Variants in PLEKHA6 observed in about 807,000 individuals in gnomAD.
PLEKHA6 encodes the protein pleckstrin homology domain containing A6.
PLEKHA6 carries 60 observed loss-of-function variants against 116.7 expected under a neutral mutation model. The observed-to-expected ratio is 0.51, with a 90% CI of 0.42 to 0.64. The LOEUF is 0.64. PLEKHA6 is among the 30% of genes least tolerant of loss of function. The probability of loss-of-function intolerance (pLI) is 0.00; values close to 1 mark genes in which losing one functional copy is unlikely to be tolerated. For synonymous variants in PLEKHA6, 489 were observed against 556.1 expected (o/e 0.88, Z 1.70); for missense variants, 1,338 against 1,422.7 (o/e 0.94, Z 0.96).
At chr1:204,301,521 C>T (rs879925676) in intron 1 of PLEKHA6, 1 of 962,560 alleles carries the variant, frequency 1.0e-6, no homozygotes, top group Non-Finnish European at 1.2e-6. Context: ...ATTGGGCTTC[C>T]AGCCCTCTCT....
At chr1:204,357,803 C>T (rs1416614268) in intron 1 of PLEKHA6, among the ~76,000 whole-genome samples, 1 of 152,248 alleles carries the variant, frequency 6.6e-6, no homozygotes, top group Admixed American at 6.5e-5. Flanking sequence ...CTAGGCCAGT[C>T]CCCTGGGCCA....
At chr1:204,351,102 G>A (rs771894392) in intron 1 of PLEKHA6, among the ~76,000 whole-genome samples, 4 of 152,186 alleles carry the variant, frequency 2.6e-5, no homozygotes, top group Non-Finnish European at 5.9e-5. Flanking sequence ...CAGCATGGCC[G>A]CCAGGCTGCC....
intron 1 of PLEKHA6, among the ~76,000 whole-genome samples, chr1:204,312,250 A>T: frequency 6.6e-6 from 1 of 152,328 alleles, no homozygotes; most frequent in East Asian, 1.9e-4. Context: ...TGTCCCTGAA[A>T]TGTGCAGAAA....
At chr1:204,330,058 A>G (rs1672392943) in intron 1 of PLEKHA6, among the ~76,000 whole-genome samples, 1 of 152,236 alleles carries the variant, frequency 6.6e-6, no homozygotes, top group Non-Finnish European at 1.5e-5. Flanking sequence ...ATAATCAGGG[A>G]AATATAAACA....
At chr1:204,268,063 C>A in intron 4 of PLEKHA6, 145 bp downstream of exon 4, 1 of 544,782 alleles carries the variant, frequency 1.8e-6, no homozygotes, top group Non-Finnish European at 3.2e-6. Flanking sequence ...TTTCTCTGAG[C>A]CTTTATAAAA....
intron 1 of PLEKHA6, among the ~76,000 whole-genome samples, chr1:204,324,927 T>A (rs1339712131): frequency 6.6e-6 from 1 of 151,854 alleles, no homozygotes; most frequent in Non-Finnish European, 1.5e-5. Flanking sequence ...TATTTATTTA[T>A]TTATTTTTGA....
chr1:204,248,214 A>G (rs1664043783), intron 12 of PLEKHA6, among the ~76,000 whole-genome samples: 1 of 128,984 alleles, frequency 7.8e-6, no homozygotes, highest in African/African-American at 3.0e-5. Context: ...GCTGGAGTGC[A>G]ATGGTGCGAT....
chr1:204,223,496 C>T lies in PLEKHA6; in HGVS notation c.3121G>A (p.Asp1041Asn), dbSNP rs112569239. ...CAGACCCGCATGGTATAGCTGCTGTCGGCGCCCCGTGGGGATTCAGACGAC... is the reference window on the plus strand; with the variant it reads ...CAGACCCGCATGGTATAGCTGCTGTTGGCGCCCCGTGGGGATTCAGACGAC... Reference protein sequence around the residue: ...PLSSESPRGADSSYTMRV With the variant: ...PLSSESPRGANSSYTMRV The change falls in exon 22 of 23, where the codon GAC (aspartate) becomes AAC (asparagine). Residue 1041 changes from aspartate (D) to asparagine (N), a missense_variant. By Grantham distance (23) the Asp-to-Asn change is conservative. Coordinates refer to ENST00000272203, the MANE Select transcript of PLEKHA6 (RefSeq NM_014935.5). The surrounding 1 kb of genome is among the most constrained non-coding windows in gnomAD (Gnocchi z 4.8). 29 of 1,548,244 alleles carry T rather than the reference C, an allele frequency of 1.9e-5. No individual in the cohort carries two copies. Among genetic ancestry groups the T allele is most frequent in the East Asian group, 9.8e-5 (4 of 40,848 alleles).
chr1:204,253,560 C>T (rs138316086), intron 9 of PLEKHA6, among the ~76,000 whole-genome samples: 63 of 152,282 alleles, frequency 4.1e-4, no homozygotes, highest in African/African-American at 1.4e-3. Flanking sequence ...TACAGTGGCT[C>T]ATGCCTATAA....
rs1232772004 is a variant in PLEKHA6 at position 204,238,191 on chromosome 1, G to T, written c.2409+3184C>A. Among the ~76,000 whole-genome samples, 2 of 152,172 alleles carry T rather than the reference G, an allele frequency of 1.3e-5. No individual in the cohort carries two copies. Among genetic ancestry groups the T allele is most frequent in the Non-Finnish European group, 2.9e-5 (2 of 68,032 alleles). On this transcript the variant is annotated intron_variant, in intron 17 of 22. Coordinates refer to ENST00000272203, the MANE Select transcript of PLEKHA6 (RefSeq NM_014935.5). This position sits in a 1 kb window ranked among gnomAD's most constrained non-coding sequence, Gnocchi z 4.2. Reference sequence around the variant, plus strand: ...TGAGTGGGGTCCAGAATGGGAAAAGGCTCTGCAACAGGTCCAGGCTGCTGT... The same window carrying T: ...TGAGTGGGGTCCAGAATGGGAAAAGTCTCTGCAACAGGTCCAGGCTGCTGT...
At chr1:204,360,427 AG>A (rs1673534229), upstream of PLEKHA6, among the ~76,000 whole-genome samples, 2 of 136,754 alleles carry the variant, frequency 1.5e-5, 1 homozygote, top group Admixed American at 1.6e-4. Flanking sequence ...ACATTTGGAG[AG>A]GGTTGGGGGC....
At chr1:204,298,470 G>C (rs989378193) in intron 1 of PLEKHA6, among the ~76,000 whole-genome samples, 2 of 152,140 alleles carry the variant, frequency 1.3e-5, no homozygotes, top group African/African-American at 4.8e-5. Flanking sequence ...TCCAGGTTCC[G>C]GGTCTTTTCT....
intron 13 of PLEKHA6, 57 bp downstream of exon 13, chr1:204,247,308 C>G: frequency 1.9e-6 from 2 of 1,080,498 alleles, no homozygotes; most frequent in South Asian, 2.5e-5. Context: ...GTCTCGAGGC[C>G]AACTCCTCAT....
At chr1:204,363,635 G>A (rs1168656915), upstream of PLEKHA6, among the ~76,000 whole-genome samples, 2 of 152,288 alleles carry the variant, frequency 1.3e-5, no homozygotes, top group African/African-American at 4.8e-5. Flanking sequence ...GGGGGCGGGG[G>A]AACACTTCCT....
chr1:204,332,517 A>G (rs1333411413), intron 1 of PLEKHA6, among the ~76,000 whole-genome samples: 4 of 152,068 alleles, frequency 2.6e-5, no homozygotes, highest in African/African-American at 7.2e-5. Flanking sequence ...GAGTATTTGG[A>G]ATTACAGGAA....
chr1:204,266,276 G>A (rs1666808254), intron 5 of PLEKHA6, among the ~76,000 whole-genome samples: 1 of 152,154 alleles, frequency 6.6e-6, no homozygotes. Flanking sequence ...CAGAGATGGA[G>A]CCCCTGCATG....
intron 8 of PLEKHA6, among the ~76,000 whole-genome samples, chr1:204,258,263 G>C (rs762835330): frequency 2.0e-5 from 3 of 152,134 alleles, no homozygotes; most frequent in Non-Finnish European, 2.9e-5. Context: ...GCGGCTTCCT[G>C]ATCTATTTTA....
At chr1:204,280,940 C>A in intron 1 of PLEKHA6, 14 of 882,098 alleles carry the variant, frequency 1.6e-5, no homozygotes, top group Non-Finnish European at 1.9e-5. Flanking sequence ...GTTTTCCTAC[C>A]TATTGCTGCC....
chr1:204,272,066 T>C (rs1207468625), intron 3 of PLEKHA6, among the ~76,000 whole-genome samples: 6 of 152,082 alleles, frequency 3.9e-5, no homozygotes, highest in Admixed American at 3.9e-4. Context: ...ATTAAGAAAA[T>C]GTGGCACATG....
Sources: gnomAD v4.1 joint callset for allele counts (sites outside exome capture counted in the v4.1 genomes callset) on GRCh38, gnomAD v4.1.1 for gene constraint, Gnocchi (gnomAD v3.1) non-coding constraint, MANE v1.5 for transcripts, NCBI Gene and HGNC (gene_info 2026-07-23, HGNC 2026-07-21) for gene names.